The following GAMT variants were observed in gnomAD, a reference collection of about 807,000 sequenced individuals.
GAMT encodes epididymis secretory protein Li 20.
GAMT carries 26 observed loss-of-function variants against 26.9 expected under a neutral mutation model. The ratio of observed to expected loss-of-function variants is 0.97; its 90% CI spans 0.71 to 1.34. The LOEUF (loss-of-function observed/expected upper bound fraction) is 1.34. GAMT is among the 40% of genes most tolerant of loss of function. The pLI is 0.00. For synonymous variants in GAMT, 169 were observed against 149.6 expected (o/e 1.13, Z -0.95); for missense variants, 412 against 345.0 (o/e 1.19, Z -1.54).
intron 5 of GAMT, chr19:1,398,637 T>A: frequency 1.0e-6 from 1 of 1,000,660 alleles, no homozygotes; most frequent in Non-Finnish European, 1.5e-6. Context: ...AAAGATGAGG[T>A]CTTGCTCTGT....
At position 1,401,411 on chromosome 19, in the gene GAMT, C is replaced by T. The variant is rs749838433; in HGVS notation, c.66G>A (p.Ala22=). The change falls in exon 1 of 6, where the codon GCG becomes GCA. Residue 22 remains alanine (A), a synonymous_variant. Coordinates refer to ENST00000252288, the MANE Select transcript of GAMT (RefSeq NM_000156.6). ...PGENCSPAWG[A]APAAYDAADT... ...CCGCTGCGTCGTAGGCCGCGGGCGC[C>T]GCCCCCCACGCGGGGCTGCAGTTCT... The T allele has an allele frequency of 7.6e-6, 11 of 1,450,448 alleles. No individual in the cohort carries two copies. Among genetic ancestry groups the T allele is most frequent in the Admixed American group, 2.5e-5 (1 of 40,576 alleles). 89.8% of individuals were successfully genotyped at this position (1,450,448 alleles called of 1,614,324 possible). A position where few individuals can be genotyped will look rare whatever the true frequency, so the allele number is the denominator to read the frequency against.
In GAMT at chr19:1,397,989, G is replaced by A. The variant is rs2082610249; in HGVS notation, c.571-490C>T. 2.9e-6 allele frequency: 3 copies of A among 1,033,596 alleles called. No individual in the cohort carries two copies. The African/African-American group carries it at 5.1e-5, about 18-fold the overall frequency. 64.0% of individuals were successfully genotyped at this position (1,033,596 alleles called of 1,614,324 possible). ...ACTGCTGAACCAGCAAAGACAGCCA[G>A]GTGGAGGCAGCTGGAGGGAGGGGAA... On this transcript the variant is annotated intron_variant, in intron 5 of 5. Transcript: ENST00000252288.
At position 1,399,180 on chromosome 19, in the gene GAMT, G is replaced by A. The variant is rs374724533; in HGVS notation, c.407C>T (p.Thr136Met). The A allele has an allele frequency of 1.2e-5, 19 of 1,613,534 alleles. No homozygotes were observed. Among genetic ancestry groups the A allele is most frequent in the South Asian group, 3.3e-5 (3 of 91,088 alleles). ...CCAGGTCTCCTCCGAGAGTGGGTAC[G>A]TGTCGTACAGGATCCCTGCACGGAG... ...DGHFDGILYD[T>M]YPLSEETWHT... Residue 136 changes from threonine (T) to methionine (M), a missense_variant, in exon 4 of 6, where the codon ACG becomes ATG. Transcript: ENST00000252288. This position sits in a 1 kb window ranked among gnomAD's most constrained non-coding sequence, Gnocchi z 6.2.
chr19:1,397,218 T>TG lies in GAMT; in HGVS notation c.*140dup. The stretch of plus-strand genomic sequence containing the variant: ...CACACAGCTGGGATCAGCCCTGGGC[T>TG]GGTGGGACCCCTCACAGAGAAGCCG... On this transcript the variant is annotated 3_prime_UTR_variant, in exon 6 of 6. Coordinates refer to ENST00000252288, the MANE Select transcript of GAMT (RefSeq NM_000156.6). 1 of 997,880 alleles carries TG rather than the reference T, an allele frequency of 1.0e-6. No homozygotes were observed. The highest frequency in any genetic ancestry group is 1.5e-6 in the Non-Finnish European group (1 of 675,652). The allele number at this position is 997,880 out of a possible 1,614,324, so 61.8% of individuals were successfully genotyped here. A position where few individuals can be genotyped will look rare whatever the true frequency, so the allele number is the denominator to read the frequency against.
At position 1,397,310 on chromosome 19, in the gene GAMT, C is replaced by T. The variant is rs775758594; in HGVS notation, c.*49G>A. 32 of 1,575,244 alleles carry T rather than the reference C, an allele frequency of 2.0e-5. No homozygotes were observed. The highest frequency in any genetic ancestry group is 2.8e-5 in the Non-Finnish European group (32 of 1,163,466). On this transcript the variant is annotated 3_prime_UTR_variant, in exon 6 of 6. Coordinates refer to ENST00000252288, the MANE Select transcript of GAMT (RefSeq NM_000156.6). ...TGGTGCGACACCCTGGACTCCCGGC[C>T]AGGAAGGCACGGAGGAGGGCATGGG...
In GAMT at chr19:1,399,807, G is replaced by A. The variant is rs757909053; in HGVS notation, c.313C>T (p.Arg105Trp). The change falls in exon 2 of 6, where the codon CGG (arginine) becomes TGG (tryptophan). Residue 105 changes from arginine to tryptophan, a missense_variant. Arg to Trp is a moderately radical substitution (Grantham distance 101, BLOSUM62 -3). Transcript: ENST00000252288. This position sits in a 1 kb window ranked among gnomAD's most constrained non-coding sequence, Gnocchi z 6.2. Reference sequence around the variant, plus strand: ...CAGAGGGGCACCTTGTGTGTCTGCCGTGGGGCCCAGTCCCGGAGCCGCTGG... The same window carrying A: ...CAGAGGGGCACCTTGTGTGTCTGCCATGGGGCCCAGTCCCGGAGCCGCTGG... ...VFQRLRDWAPRQTHKVIPLKG... is the reference protein window; with the variant it reads ...VFQRLRDWAPWQTHKVIPLKG... The A allele has an allele frequency of 1.0e-5, 16 of 1,571,130 alleles. No homozygotes were observed. The highest frequency in any genetic ancestry group is 9.5e-5 in the African/African-American group (7 of 73,958).
intron 1 of GAMT, among the ~76,000 whole-genome samples, chr19:1,401,085 G>A (rs770739730): frequency 7.0e-4 from 107 of 152,220 alleles, no homozygotes; most frequent in Non-Finnish European, 9.7e-4. Context: ...GAAGTTTCTG[G>A]TACTTAGGCG....
intron 5 of GAMT, chr19:1,398,036 C>T: frequency 9.9e-7 from 1 of 1,010,074 alleles, no homozygotes; most frequent in Non-Finnish European, 1.2e-6. Context: ...TAGGCTGAAC[C>T]ACAGGGCACT....
chr19:1,400,061 C>T, intron 1 of GAMT, 123 bp from the exon 2 acceptor site: 1 of 1,084,616 alleles, frequency 9.2e-7, no homozygotes, highest in South Asian at 1.5e-5. Flanking sequence ...CAGGGCTGGG[C>T]TGGGGGTCTG....
In GAMT at chr19:1,399,971, G is replaced by T; in HGVS notation, c.182-33C>A. The T allele has an allele frequency of 6.3e-7, 1 of 1,584,606 alleles. No individual in the cohort carries two copies. The highest frequency in any genetic ancestry group is 8.6e-7 in the Non-Finnish European group (1 of 1,168,402). ...GACACAGGGCGCCTGGCATCACTAG[G>T]TGGGGCGGGCTTAGGAGGCTGCCTG... is the stretch of plus-strand genomic sequence containing the variant. On this transcript the variant is annotated intron_variant, in intron 1 of 5. Coordinates refer to ENST00000252288, the MANE Select transcript of GAMT (RefSeq NM_000156.6). The surrounding 1 kb of genome is among the most constrained non-coding windows in gnomAD (Gnocchi z 6.2).
At position 1,399,064 on chromosome 19, in the gene GAMT, G is replaced by A; in HGVS notation, c.460-38C>T. The stretch of plus-strand genomic sequence containing the variant: ...AGTGGCCAGTGGTCAGGACGGAGGT[G>A]GGGGTGTGGGCAGAGGGGCTTCCCC... On this transcript the variant is annotated intron_variant, in intron 4 of 5. Transcript: ENST00000252288. This position sits in a 1 kb window ranked among gnomAD's most constrained non-coding sequence, Gnocchi z 6.2. 6.2e-7 allele frequency: 1 copy of A among 1,613,288 alleles called. No homozygotes were observed. The highest frequency in any genetic ancestry group is 8.5e-7 in the Non-Finnish European group (1 of 1,179,970).
chr19:1,399,672 G>T lies in GAMT; in HGVS notation c.328-85C>A, dbSNP rs1314925702. 3.3e-6 allele frequency: 5 copies of T among 1,527,060 alleles called. No homozygotes were observed. The highest frequency in any genetic ancestry group is 4.8e-5 in the East Asian group (2 of 41,734). 94.6% of individuals were successfully genotyped at this position (1,527,060 alleles called of 1,614,324 possible). A position where few individuals can be genotyped will look rare whatever the true frequency, so the allele number is the denominator to read the frequency against. ...CCTGCAGAAAGGGAGCGGCCAGGGG[G>T]ACTCCCGAGAGAGAAGACCACCTCC... On this transcript the variant is annotated intron_variant, in intron 2 of 5. Coordinates refer to ENST00000252288, the MANE Select transcript of GAMT (RefSeq NM_000156.6). The surrounding 1 kb of genome is among the most constrained non-coding windows in gnomAD (Gnocchi z 6.2).
rs745571182 is a variant in GAMT, at chr19:1,399,547, G to A, written c.368C>T (p.Thr123Ile). 3.7e-6 allele frequency: 6 copies of A among 1,613,286 alleles called. No homozygotes were observed. In the South Asian group the frequency reaches 6.6e-5, roughly 18 times the overall value. The change falls in exon 3 of 6, where the codon ACC becomes ATC. Residue 123 changes from threonine to isoleucine, a missense_variant. Thr to Ile is a moderately conservative substitution (Grantham distance 89, BLOSUM62 -1). Coordinates refer to ENST00000252288, the MANE Select transcript of GAMT (RefSeq NM_000156.6). This position sits in a 1 kb window ranked among gnomAD's most constrained non-coding sequence, Gnocchi z 6.2. The part of the protein sequence containing the change: ...LKGLWEDVAP[T>I]LPDGHFDGIL... Reference sequence around the variant, plus strand: ...ACCATCAAAGTGACCGTCAGGCAGGGTGGGTGCCACATCCTCCCACAGGCC... The same window carrying A: ...ACCATCAAAGTGACCGTCAGGCAGGATGGGTGCCACATCCTCCCACAGGCC...
At chr19:1,401,266 CG>C (rs749372543) in intron 1 of GAMT, 29 bp downstream of exon 1, 14 of 1,416,360 alleles carry the variant, frequency 9.9e-6, no homozygotes, top group East Asian at 5.8e-5. Flanking sequence ...CCTGCGCCCC[CG>C]GGGGCGGTGC....
chr19:1,399,719 C>T lies in GAMT; in HGVS notation c.327+74G>A, dbSNP rs1256164722. The T allele has an allele frequency of 2.0e-6, 3 of 1,527,420 alleles. No homozygotes were observed. Among genetic ancestry groups the T allele is most frequent in the Non-Finnish European group, 2.6e-6 (3 of 1,136,870 alleles). The allele number at this position is 1,527,420 out of a possible 1,614,324, so 94.6% of individuals were successfully genotyped here. A position where few individuals can be genotyped will look rare whatever the true frequency, so the allele number is the denominator to read the frequency against. ...CTCCTCCACCTCTGACAGCCCCAGG[C>T]CCCCAACCCCCAGGAAGCAGTGCCC... On this transcript the variant is annotated intron_variant, in intron 2 of 5. Transcript: ENST00000252288. The surrounding 1 kb of genome is among the most constrained non-coding windows in gnomAD (Gnocchi z 6.2).
chr19:1,399,616 A>G lies in GAMT; in HGVS notation c.328-29T>C. The G allele has an allele frequency of 6.2e-7, 1 of 1,604,736 alleles. No individual in the cohort carries two copies. On this transcript the variant is annotated intron_variant, in intron 2 of 5. Coordinates refer to ENST00000252288, the MANE Select transcript of GAMT (RefSeq NM_000156.6). The surrounding 1 kb of genome is among the most constrained non-coding windows in gnomAD (Gnocchi z 6.2). ...GCAGAGGGGAAAAGAAAAAGAGAGG[A>G]CAGGGTAGAGAGGTCCCCAGGATCT...
chr19:1,399,331 G>A lies in GAMT; in HGVS notation c.392-136C>T, dbSNP rs2082619679. The A allele has an allele frequency of 1.8e-6, 2 of 1,109,496 alleles. No homozygotes were observed. The highest frequency in any genetic ancestry group is 2.7e-6 in the Non-Finnish European group (2 of 740,596). 68.7% of individuals were successfully genotyped at this position (1,109,496 alleles called of 1,614,324 possible). A position where few individuals can be genotyped will look rare whatever the true frequency, so the allele number is the denominator to read the frequency against. ...AGAGGTGGGGCTCCCACACAGGCTT[G>A]AGAACCCCGAGATCGCCTCCAGGGC... On this transcript the variant is annotated intron_variant, in intron 3 of 5. Coordinates refer to ENST00000252288, the MANE Select transcript of GAMT (RefSeq NM_000156.6). The surrounding 1 kb of genome is among the most constrained non-coding windows in gnomAD (Gnocchi z 6.2).
chr19:1,399,805 C>A lies in GAMT; in HGVS notation c.315G>T (p.Arg105=). Reference sequence around the variant, plus strand: ...GGCAGAGGGGCACCTTGTGTGTCTGCCGTGGGGCCCAGTCCCGGAGCCGCT... The same window carrying A: ...GGCAGAGGGGCACCTTGTGTGTCTGACGTGGGGCCCAGTCCCGGAGCCGCT... ...VFQRLRDWAP[R]QTHKVIPLKG... is the part of the protein sequence containing the mutation. Residue 105 remains arginine, a synonymous_variant, in exon 2 of 6, where the codon CGG becomes CGT. Coordinates refer to ENST00000252288, the MANE Select transcript of GAMT (RefSeq NM_000156.6). This position sits in a 1 kb window ranked among gnomAD's most constrained non-coding sequence, Gnocchi z 6.2. 1 of 1,568,862 alleles carries A rather than the reference C, an allele frequency of 6.4e-7. No individual in the cohort carries two copies.
chr19:1,397,389 C>T lies in GAMT; in HGVS notation c.681G>A (p.Gln227=). 1 of 1,612,626 alleles carries T rather than the reference C, an allele frequency of 6.2e-7. No individual in the cohort carries two copies. Among genetic ancestry groups the T allele is most frequent in the African/African-American group, 1.3e-5 (1 of 75,042 alleles). ...CTTTGGTCACCAGGGGCGTGATCAT[C>T]TGTGGGAAGGCGTAGTAGCGGCAGT... ...PADCRYYAFP[Q]MITPLVTKG The change falls in exon 6 of 6, where the codon CAG becomes CAA. Residue 227 remains glutamine (Q), a synonymous_variant. Coordinates refer to ENST00000252288, the MANE Select transcript of GAMT (RefSeq NM_000156.6).
Sources: gnomAD v4.1 joint callset for allele counts (sites outside exome capture counted in the v4.1 genomes callset) on GRCh38, gnomAD v4.1.1 for gene constraint, Gnocchi (gnomAD v3.1) non-coding constraint, MANE v1.5 for transcripts, NCBI Gene and HGNC (gene_info 2026-07-23, HGNC 2026-07-21) for gene names.